LPCAT4: variants seen among roughly 807,000 people sequenced by gnomAD.
LPCAT4 encodes the protein lysophosphatidylcholine acyltransferase 4, also known as lysophospholipid acyltransferase LPCAT4.
Under a neutral mutation model 66.5 loss-of-function variants are expected in LPCAT4, and 30 were observed. The observed-to-expected ratio is 0.45, with a 90% CI of 0.34 to 0.61. LPCAT4 has a LOEUF of 0.61. Ranked by LOEUF, LPCAT4 falls within the 20% of genes least tolerant of loss-of-function variation. The probability of loss-of-function intolerance (pLI) is 0.01; values close to 1 mark genes in which losing one functional copy is unlikely to be tolerated. For synonymous variants in LPCAT4, 253 were observed against 262.1 expected (o/e 0.97, Z 0.34); for missense variants, 557 against 656.7 (o/e 0.85, Z 1.66).
intron 12 of LPCAT4, 54 bp from the exon 13 acceptor site, chr15:34,359,799 C>A: frequency 6.5e-6 from 10 of 1,537,142 alleles, no homozygotes; most frequent in Non-Finnish European, 8.8e-6. Context: ...ATGGCCTCAC[C>A]CTGCCCCACA....
rs1355289418 is a variant in LPCAT4, at chr15:34,363,646, T to C, written c.711+15A>G. 2.5e-6 allele frequency: 4 copies of C among 1,613,998 alleles called. No homozygotes were observed. Among genetic ancestry groups the C allele is most frequent in the African/African-American group, 1.3e-5 (1 of 74,912 alleles). ...TGTGCTCCCCCTTTCCACTCTTTCT[T>C]GGACTAAGACTCACCAGACTGTTGG... On this transcript the variant is annotated intron_variant, in intron 6 of 13. Coordinates refer to ENST00000314891, the MANE Select transcript of LPCAT4 (RefSeq NM_153613.3). The surrounding 1 kb of genome is among the most constrained non-coding windows in gnomAD (Gnocchi z 4.3).
rs1302190644 is a variant in LPCAT4 at position 34,362,263 on chromosome 15, C to T, written c.943G>A (p.Val315Met). Residue 315 changes from valine (V) to methionine (M), a missense_variant, in exon 10 of 14, where the codon GTG (valine) becomes ATG (methionine). Physicochemically the swap from Val to Met is conservative, Grantham distance 21 (BLOSUM62 1). This residue lies in a region of LPCAT4 where 392 missense variants were observed against 473.9 expected (regional missense o/e 0.83). Coordinates refer to ENST00000314891, the MANE Select transcript of LPCAT4 (RefSeq NM_153613.3). The stretch of plus-strand genomic sequence containing the variant: ...TCCAACGCCACCTTCAGCCGGCCCA[C>T]CACAATCACAGGTAAGCTCCCTACA... Reference protein sequence around the residue: ...EFVGSLPVIVVGRLKVALEPQ... With the variant: ...EFVGSLPVIVMGRLKVALEPQ... 2 of 1,614,086 alleles carry T rather than the reference C, an allele frequency of 1.2e-6. No homozygotes were observed. The highest frequency in any genetic ancestry group is 1.7e-6 in the Non-Finnish European group (2 of 1,180,028).
chr15:34,362,073 T>A (rs1027255427), intron 10 of LPCAT4, 123 bp downstream of exon 10: 4 of 1,269,180 alleles, frequency 3.2e-6, no homozygotes, highest in Admixed American at 2.1e-5. Flanking sequence ...TATTCTATTA[T>A]CTTTCTTCCC....
In LPCAT4 at chr15:34,359,679, G is replaced by T. The variant is rs1890895194; in HGVS notation, c.1309C>A (p.Leu437Met). 3.7e-6 allele frequency: 6 copies of T among 1,613,822 alleles called. No individual in the cohort carries two copies. Among genetic ancestry groups the T allele is most frequent in the Non-Finnish European group, 5.1e-6 (6 of 1,179,998 alleles). Residue 437 changes from leucine to methionine, a missense_variant, in exon 13 of 14, where the codon CTG becomes ATG. Leu to Met is a conservative substitution (Grantham distance 15, BLOSUM62 2). Coordinates refer to ENST00000314891, the MANE Select transcript of LPCAT4 (RefSeq NM_153613.3). ...LLYKDGFSTI[L>M]HLLLGSPHPA... ...TGGGGTGAACCCAGCAGCAGGTGCAGGATGGTGCTGAAGCCGTCTTTGTAC... is the reference window on the plus strand; with the variant it reads ...TGGGGTGAACCCAGCAGCAGGTGCATGATGGTGCTGAAGCCGTCTTTGTAC...
At position 34,359,318 on chromosome 15, in the gene LPCAT4, A is replaced by T. The variant is rs996803522; in HGVS notation, c.1400-16T>A. 8.1e-6 allele frequency: 12 copies of T among 1,477,370 alleles called. No homozygotes were observed. In the Admixed American group the frequency reaches 2.2e-4, roughly 27 times the overall value. The allele number at this position is 1,477,370 out of a possible 1,614,324, so 91.5% of individuals were successfully genotyped here. A position where few individuals can be genotyped will look rare whatever the true frequency, so the allele number is the denominator to read the frequency against. The stretch of plus-strand genomic sequence containing the variant: ...TGGAACTGACCTGGACAAATAAGAG[A>T]TGGGGAAAAGTGAAAAGATCTAAGA... On this transcript the variant is annotated splice_polypyrimidine_tract_variant and intron_variant, in intron 13 of 13. Coordinates refer to ENST00000314891, the MANE Select transcript of LPCAT4 (RefSeq NM_153613.3).
chr15:34,364,392 TGAG>T, intron 3 of LPCAT4, 86 bp from the exon 4 acceptor site: 2 of 759,178 alleles, frequency 2.6e-6, no homozygotes, highest in South Asian at 3.3e-5. Flanking sequence ...CTCAACAGCA[TGAG>T]AAGTTTCTGT....
rs769032296 is a variant in LPCAT4 at position 34,362,762 on chromosome 15, C to T, written c.801+20G>A. 4.2e-5 allele frequency: 67 copies of T among 1,613,800 alleles called. No homozygotes were observed. The highest frequency in any genetic ancestry group is 1.6e-4 in the Middle Eastern group (1 of 6,084). On this transcript the variant is annotated intron_variant, in intron 8 of 13. Transcript: ENST00000314891. ...GGAGTCTGAGATGTACTTCTCCCACCGCCCCCACGGGAGCCATACCTCCAC... is the reference window on the plus strand; with the variant it reads ...GGAGTCTGAGATGTACTTCTCCCACTGCCCCCACGGGAGCCATACCTCCAC...
In LPCAT4 at chr15:34,359,737, A is replaced by T; in HGVS notation, c.1251T>A (p.Ala417=). ...ELTRLAFELF[A]EEQAEGPNRL... ...GGTTGGGACCCTCTGCTTGCTCTTC[A>T]GCAAAGAGCTTGGGAGAGAAAGGGA... The change falls in exon 13 of 14, where the codon GCT becomes GCA. Residue 417 remains alanine, a synonymous_variant. Transcript: ENST00000314891. 6.2e-7 allele frequency: 1 copy of T among 1,612,510 alleles called. No homozygotes were observed. Among genetic ancestry groups the T allele is most frequent in the African/African-American group, 1.3e-5 (1 of 75,018 alleles).
chr15:34,362,979 TAC>T (rs1890983940), intron 7 of LPCAT4, 143 bp from the exon 8 acceptor site: 2 of 774,254 alleles, frequency 2.6e-6, no homozygotes, highest in South Asian at 3.1e-5. Context: ...CTCCTAGCCA[TAC>T]AGTCAGGTGG....
chr15:34,365,498 G>C, intron 2 of LPCAT4, 61 bp downstream of exon 2: 3 of 1,601,910 alleles, frequency 1.9e-6, no homozygotes, highest in Non-Finnish European at 8.5e-7. Context: ...TTCTCAAAGA[G>C]GGAGCCGAAT....
At chr15:34,364,674 G>A (rs540689628) in intron 3 of LPCAT4, 8 of 278,734 alleles carry the variant, frequency 2.9e-5, no homozygotes, top group Admixed American at 2.4e-4. Flanking sequence ...GGCTGGTCTC[G>A]AACTCCCGAC....
intron 3 of LPCAT4, 105 bp from the exon 4 acceptor site, chr15:34,364,411 C>CGTT: frequency 5.4e-6 from 3 of 557,964 alleles, no homozygotes; most frequent in East Asian, 3.1e-5. Context: ...TCTGTTATCT[C>CGTT]TTTTTTTTTT....
chr15:34,364,261 G>A lies in LPCAT4; in HGVS notation c.524C>T (p.Pro175Leu), dbSNP rs781753066. The A allele has an allele frequency of 2.5e-6, 4 of 1,613,976 alleles. No individual in the cohort carries two copies. The highest frequency in any genetic ancestry group is 1.3e-5 in the African/African-American group (1 of 74,920). ...CTCCACCACTCTGCGTCGAGAAGCCGGGTCATGCCGGGATACCAGGATGGC... is the reference window on the plus strand; with the variant it reads ...CTCCACCACTCTGCGTCGAGAAGCCAGGTCATGCCGGGATACCAGGATGGC... ...NQAILVSRHD[P>L]ASRRRVVEEV... is the part of the protein sequence containing the mutation. The change falls in exon 4 of 14, where the codon CCG becomes CTG. Residue 175 changes from proline (P) to leucine (L), a missense_variant. Transcript: ENST00000314891.
intron 11 of LPCAT4, chr15:34,360,911 T>A (rs990482787): frequency 6.5e-6 from 1 of 154,222 alleles, no homozygotes; most frequent in Non-Finnish European, 1.4e-5. Flanking sequence ...GAGAAATACA[T>A]GGCTTGCTAA....
Position 34,363,493 on chromosome 15 carries a change from A to G in LPCAT4, c.712-37T>C, listed in dbSNP as rs779451736. On this transcript the variant is annotated intron_variant, in intron 6 of 13. Coordinates refer to ENST00000314891, the MANE Select transcript of LPCAT4 (RefSeq NM_153613.3). The surrounding 1 kb of genome is among the most constrained non-coding windows in gnomAD (Gnocchi z 4.3). Reference sequence around the variant, plus strand: ...ACACAGGTGAGGGCATAAGAGCATTACTTTTTCCCCCTGGAACTGGCCAAT... The same window carrying G: ...ACACAGGTGAGGGCATAAGAGCATTGCTTTTTCCCCCTGGAACTGGCCAAT... The G allele has an allele frequency of 1.2e-6, 2 of 1,613,676 alleles. No homozygotes were observed. Among genetic ancestry groups the G allele is most frequent in the East Asian group, 4.5e-5 (2 of 44,874 alleles).
Position 34,362,067 on chromosome 15 carries a change from C to T in LPCAT4, c.1010+129G>A, listed in dbSNP as rs981557078. On this transcript the variant is annotated intron_variant, in intron 10 of 13. Coordinates refer to ENST00000314891, the MANE Select transcript of LPCAT4 (RefSeq NM_153613.3). ...TATTCCCCACTTCCTTTTATTTATT[C>T]TATTATCTTTCTTCCCAGTTTTTTT... 2.4e-6 allele frequency: 3 copies of T among 1,230,312 alleles called. No individual in the cohort carries two copies. The African/African-American group carries it at 4.5e-5, about 19-fold the overall frequency. 76.2% of individuals were successfully genotyped at this position (1,230,312 alleles called of 1,614,324 possible).
At chr15:34,359,858 T>A in intron 12 of LPCAT4, 113 bp from the exon 13 acceptor site, 1 of 1,140,930 alleles carries the variant, frequency 8.8e-7, no homozygotes, top group South Asian at 1.6e-5. Flanking sequence ...TGCACAAGCC[T>A]TCCCTGACCC....
intron 7 of LPCAT4, 103 bp from the exon 8 acceptor site, chr15:34,362,939 A>G: frequency 4.3e-6 from 5 of 1,154,484 alleles, no homozygotes; most frequent in Non-Finnish European, 6.4e-6. Context: ...GGGAGTGGGA[A>G]AAGTTCTGCC....
intron 2 of LPCAT4, 57 bp from the exon 3 acceptor site, chr15:34,365,285 C>T (rs1891051217): frequency 1.3e-6 from 2 of 1,521,622 alleles, no homozygotes; most frequent in Admixed American, 3.9e-5. Flanking sequence ...TCACCCGCCC[C>T]CAGGTTCAGA....
Sources: gnomAD v4.1 joint callset for allele counts on GRCh38, gnomAD v4.1.1 for gene constraint, gnomAD v4.1.1 regional missense constraint, Gnocchi (gnomAD v3.1) non-coding constraint, MANE v1.5 for transcripts, NCBI Gene and HGNC (gene_info 2026-07-23, HGNC 2026-07-21) for gene names.